Variants in ARID4B observed in about 807,000 individuals in gnomAD.
ARID4B encodes the protein AT-rich interaction domain 4B.
ARID4B carries 26 observed loss-of-function variants against 147.5 expected under a neutral mutation model. That is an observed-to-expected ratio of 0.18 (90% CI 0.13 to 0.24). ARID4B has a LOEUF of 0.24. Among genes scored for constraint, ARID4B ranks in the 10% least tolerant of loss-of-function variants. ARID4B has a pLI of 1.00. For synonymous variants in ARID4B, 512 were observed against 507.9 expected (o/e 1.01, Z -0.11); for missense variants, 1,179 against 1,511.5 (o/e 0.78, Z 3.65).
intron 2 of ARID4B, among the ~76,000 whole-genome samples, chr1:235,277,588 C>T (rs1671404155): frequency 1.5e-5 from 2 of 132,202 alleles, no homozygotes; most frequent in Non-Finnish European, 3.2e-5. Context: ...TTTTTAATGC[C>T]TTATATTGTG....
intron 22 of ARID4B, among the ~76,000 whole-genome samples, chr1:235,173,716 C>A (rs1571889499): frequency 3.1e-5 from 3 of 96,840 alleles, no homozygotes; most frequent in Non-Finnish European, 5.7e-5. Flanking sequence ...TTAGCCTGGG[C>A]AACATAATGA....
chr1:235,176,520 C>T lies in ARID4B; in HGVS notation c.3449-1121G>A, dbSNP rs1663895480. 1.4e-5 allele frequency among the ~76,000 whole-genome samples: 2 copies of T among 141,172 alleles called. 1 individual carries two copies. The highest frequency in any genetic ancestry group is 4.2e-4 in the East Asian group (2 of 4,774). 92.6% of individuals were successfully genotyped at this position (141,172 alleles called of 152,430 possible). The stretch of plus-strand genomic sequence containing the variant: ...TATTCCAAATAGTAAAGGTAGATAG[C>T]AGCAACTCCTCCCACTGTGAAATTT... On this transcript the variant is annotated intron_variant, in intron 21 of 23. Coordinates refer to ENST00000264183, the MANE Select transcript of ARID4B (RefSeq NM_016374.6).
intron 2 of ARID4B, among the ~76,000 whole-genome samples, chr1:235,284,360 T>G (rs1263154513): frequency 1.3e-5 from 2 of 152,062 alleles, no homozygotes; most frequent in African/African-American, 4.8e-5. Flanking sequence ...ACTCCGTCTC[T>G]GGGGGAAAAA....
intron 2 of ARID4B, among the ~76,000 whole-genome samples, chr1:235,267,710 T>C (rs899968413): frequency 1.3e-5 from 2 of 151,846 alleles, no homozygotes; most frequent in African/African-American, 2.4e-5. Context: ...CGGGTGCCTG[T>C]AGGCTAACAA....
At chr1:235,240,067 C>T (rs1668886546) in intron 8 of ARID4B, among the ~76,000 whole-genome samples, 2 of 151,974 alleles carry the variant, frequency 1.3e-5, no homozygotes, top group African/African-American at 4.8e-5. Context: ...GAATTTTCTA[C>T]CGAGAGAGAG....
chr1:235,236,862 A>ATATTT (rs1426582533), intron 8 of ARID4B, among the ~76,000 whole-genome samples: 5 of 17,490 alleles, frequency 2.9e-4, no homozygotes, highest in African/African-American at 4.4e-4. Context: ...ATATATATAT[A>ATATTT]TTTTTTTTTT....
intron 7 of ARID4B, among the ~76,000 whole-genome samples, chr1:235,241,569 A>G (rs948420826): frequency 6.6e-6 from 1 of 152,096 alleles, no homozygotes; most frequent in African/African-American, 2.4e-5. Flanking sequence ...GCCGGGCTGG[A>G]GTGCAGTGGC....
intron 8 of ARID4B, among the ~76,000 whole-genome samples, chr1:235,236,029 C>T (rs1197346183): frequency 6.6e-6 from 1 of 151,482 alleles, no homozygotes; most frequent in South Asian, 2.1e-4. Flanking sequence ...AGGGTTCAAT[C>T]GATCCTCCCA....
chr1:235,266,566 G>A (rs892504531), intron 2 of ARID4B, among the ~76,000 whole-genome samples: 4 of 152,134 alleles, frequency 2.6e-5, no homozygotes, highest in African/African-American at 7.2e-5. Context: ...GCCAGTCTAC[G>A]AAATGTCCTA....
intron 19 of ARID4B, 63 bp from the exon 20 acceptor site, chr1:235,182,856 G>C: frequency 6.7e-7 from 1 of 1,481,788 alleles, no homozygotes; most frequent in Non-Finnish European, 9.0e-7. Context: ...TCTTCTATGT[G>C]CCAGGGACTG....
intron 2 of ARID4B, among the ~76,000 whole-genome samples, chr1:235,270,868 T>A (rs956414888): frequency 6.6e-6 from 1 of 151,834 alleles, no homozygotes; most frequent in Non-Finnish European, 1.5e-5. Context: ...AGGAGCCTAG[T>A]GGAGGATTCA....
intron 22 of ARID4B, among the ~76,000 whole-genome samples, chr1:235,173,011 C>T (rs1040199836): frequency 6.6e-6 from 1 of 152,184 alleles, no homozygotes; most frequent in Non-Finnish European, 1.5e-5. Flanking sequence ...CATATATCCA[C>T]ATCCATATAC....
intron 22 of ARID4B, among the ~76,000 whole-genome samples, chr1:235,173,862 T>A (rs1469014957): frequency 7.3e-6 from 1 of 136,410 alleles, no homozygotes; most frequent in Non-Finnish European, 1.6e-5. Context: ...TGAAGATTTA[T>A]GAAGATTTCT....
At chr1:235,245,952 C>A (rs1324688602) in intron 7 of ARID4B, among the ~76,000 whole-genome samples, 1 of 152,048 alleles carries the variant, frequency 6.6e-6, no homozygotes, top group Non-Finnish European at 1.5e-5. Context: ...TCATACTATG[C>A]CAGAGAATTG....
intron 11 of ARID4B, chr1:235,228,282 GTTCT>G (rs1413751577): frequency 2.5e-5 from 3 of 117,794 alleles, no homozygotes; most frequent in Non-Finnish European, 3.7e-5. Context: ...AGGTAGGTAG[GTTCT>G]TTTTTTTTTT....
At chr1:235,246,320 TG>T in intron 7 of ARID4B, 99 bp downstream of exon 7, 1 of 910,754 alleles carries the variant, frequency 1.1e-6, no homozygotes, top group Non-Finnish European at 1.7e-6. Flanking sequence ...CTATTAGATC[TG>T]GTTAGCATTT....
At chr1:235,256,965 T>C (rs1670024850) in intron 4 of ARID4B, among the ~76,000 whole-genome samples, 195 bp downstream of exon 4, 1 of 152,192 alleles carries the variant, frequency 6.6e-6, no homozygotes, top group Non-Finnish European at 1.5e-5. Flanking sequence ...AACCTTGAAC[T>C]CCTGGCCTCA....
intron 10 of ARID4B, among the ~76,000 whole-genome samples, chr1:235,230,594 T>TAAAA (rs1175996354): frequency 1.0e-4 from 6 of 58,384 alleles, no homozygotes; most frequent in African/African-American, 3.3e-4. Flanking sequence ...GACTATAAGC[T>TAAAA]AAAAAAAAAA....
chr1:235,261,092 G>A (rs1670265201), intron 2 of ARID4B, among the ~76,000 whole-genome samples: 2 of 152,058 alleles, frequency 1.3e-5, no homozygotes, highest in African/African-American at 4.8e-5. Flanking sequence ...AAAAGGGTCC[G>A]TTGGCCAGAA....
Sources: allele counts gnomAD v4.1 joint callset (sites outside exome capture counted in the v4.1 genomes callset), GRCh38; gene constraint gnomAD v4.1.1; transcripts MANE v1.5; gene names NCBI Gene and HGNC (gene_info 2026-07-23, HGNC 2026-07-21).